WWOX: variants seen among roughly 807,000 people sequenced by gnomAD.
The protein encoded by WWOX is WW domain-containing oxidoreductase.
Under a neutral mutation model 46.2 loss-of-function variants are expected in WWOX, and 69 were observed. The ratio of observed to expected loss-of-function variants is 1.49; its 90% confidence interval spans 1.23 to 1.82. The LOEUF (loss-of-function observed/expected upper bound fraction) is 1.82, where lower values mean the gene tolerates loss of function less well. WWOX is among the 40% of genes most tolerant of loss of function. WWOX has a pLI of 0.00. For missense variants in WWOX, 919 were observed against 542.6 expected, an observed-to-expected ratio of 1.69 and a Z score of -6.89; for synonymous variants, 359 against 202.6, an observed-to-expected ratio of 1.77 and a Z score of -6.56.
At chr16:79,019,407 G>A (rs975922641) in intron 8 of WWOX, among the ~76,000 whole-genome samples, 24 of 151,990 alleles carry the variant, frequency 1.6e-4, no homozygotes, top group Non-Finnish European at 8.8e-5. Context: ...ATTGGGCTGC[G>A]TACTGTAGGC....
chr16:78,381,504 C>A (rs990018589), intron 5 of WWOX, among the ~76,000 whole-genome samples: 1 of 152,138 alleles, frequency 6.6e-6, no homozygotes. Context: ...ATAGAAGTTG[C>A]CTGATGCTTC....
At chr16:78,554,497 A>G (rs1169635706) in intron 8 of WWOX, among the ~76,000 whole-genome samples, 3 of 152,208 alleles carry the variant, frequency 2.0e-5, no homozygotes, top group African/African-American at 7.2e-5. Context: ...ATATAGATAC[A>G]TACATACACA....
At chr16:79,185,227 A>G (rs1244517600) in intron 8 of WWOX, among the ~76,000 whole-genome samples, 1 of 152,108 alleles carries the variant, frequency 6.6e-6, no homozygotes, top group Non-Finnish European at 1.5e-5. Flanking sequence ...CCCAAATAGC[A>G]TCATTTCCTG....
rs181049527 is a variant in WWOX at position 78,948,307 on chromosome 16, C to T, written c.1057-263301C>T. Among the ~76,000 whole-genome samples the T allele has an allele frequency of 2.0e-5, 3 of 152,286 alleles. 1 individual carries two copies. Among genetic ancestry groups the T allele is most frequent in the African/African-American group, 7.2e-5 (3 of 41,566 alleles). On this transcript the variant is annotated intron_variant, in intron 8 of 8. Transcript: ENST00000566780. ...GTTTGGGACCCCTGTTGCTGTCTCA[C>T]CAAAGAACTTCTTGTCTCCCTTTTA...
At chr16:78,665,078 G>T (rs1459485454) in intron 8 of WWOX, among the ~76,000 whole-genome samples, 1 of 152,188 alleles carries the variant, frequency 6.6e-6, no homozygotes, top group Non-Finnish European at 1.5e-5. Context: ...GGAATTGGTA[G>T]GATCATCTAT....
chr16:78,305,144 C>T (rs928024726), intron 5 of WWOX, among the ~76,000 whole-genome samples: 9 of 152,164 alleles, frequency 5.9e-5, no homozygotes, highest in African/African-American at 2.2e-4. Flanking sequence ...CAAAGCTTCT[C>T]CTGCCACACT....
At chr16:79,105,664 T>C (rs953032971) in intron 8 of WWOX, among the ~76,000 whole-genome samples, 1 of 151,824 alleles carries the variant, frequency 6.6e-6, no homozygotes, top group Non-Finnish European at 1.5e-5. Flanking sequence ...CTTTTTGTTT[T>C]TTTTTTTTTT....
intron 5 of WWOX, among the ~76,000 whole-genome samples, chr16:78,298,148 C>T (rs1162041232): frequency 2.0e-5 from 3 of 152,142 alleles, no homozygotes; most frequent in African/African-American, 7.2e-5. Flanking sequence ...GCCTCTGCAG[C>T]CCTGTAGAAC....
intron 8 of WWOX, among the ~76,000 whole-genome samples, chr16:79,146,696 A>G (rs927158567): frequency 1.3e-5 from 2 of 152,126 alleles, no homozygotes; most frequent in Non-Finnish European, 2.9e-5. Flanking sequence ...CATCTGGTTT[A>G]TATTATGGGA....
At chr16:79,109,351 A>G (rs12597650) in intron 8 of WWOX, among the ~76,000 whole-genome samples, 6 of 151,946 alleles carry the variant, frequency 3.9e-5, no homozygotes, top group South Asian at 2.1e-4. Context: ...AACAAAGACT[A>G]CCTCCACTAG....
chr16:78,352,551 T>A (rs563512688), intron 5 of WWOX, among the ~76,000 whole-genome samples: 2 of 152,338 alleles, frequency 1.3e-5, no homozygotes, highest in African/African-American at 4.8e-5. Flanking sequence ...TGGTTCTCTC[T>A]CTTCTGCTTC....
chr16:78,115,683 A>G (rs570740978), intron 4 of WWOX, among the ~76,000 whole-genome samples: 5 of 152,332 alleles, frequency 3.3e-5, no homozygotes, highest in African/African-American at 1.2e-4. Flanking sequence ...CACAGGGACT[A>G]TCATGGGTAG....
intron 8 of WWOX, among the ~76,000 whole-genome samples, chr16:78,706,688 T>C (rs996139437): frequency 3.9e-5 from 6 of 152,202 alleles, no homozygotes; most frequent in Non-Finnish European, 7.3e-5. Flanking sequence ...AGCTGCTCTT[T>C]CTCGATCCTT....
In WWOX at chr16:78,580,367, C is replaced by T. The variant is rs148257217; in HGVS notation, c.1056+147615C>T. ...GGAATATCCGGTGTGAGCCACTGCACCTGGCCTCCAACAGAGGATTTCAGT... is the reference window on the plus strand; with the variant it reads ...GGAATATCCGGTGTGAGCCACTGCATCTGGCCTCCAACAGAGGATTTCAGT... On this transcript the variant is annotated intron_variant, in intron 8 of 8. Transcript: ENST00000566780. Among the ~76,000 whole-genome samples, 453 of 152,314 alleles carry T rather than the reference C, an allele frequency of 3.0e-3. 2 individuals carry two copies. The highest frequency in any genetic ancestry group is 0.011 in the African/African-American group (438 of 41,568).
At chr16:78,444,600 G>A (rs1252872822) in intron 8 of WWOX, among the ~76,000 whole-genome samples, 2 of 151,228 alleles carry the variant, frequency 1.3e-5, no homozygotes, top group Non-Finnish European at 2.9e-5. Context: ...GGCGATCTCG[G>A]CTCACTGCAA....
At position 78,634,380 on chromosome 16, in the gene WWOX, CT is replaced by C. The variant is rs1186616070; in HGVS notation, c.1056+201629del. 3.3e-5 allele frequency among the ~76,000 whole-genome samples: 5 copies of C among 152,220 alleles called. No homozygotes were observed. The South Asian group carries it at 1.0e-3, about 32-fold the overall frequency. Reference sequence around the variant, plus strand: ...TTCCCTCATTCAGGCACCAAAAATGCTGTTTGACTGGGAGAGCAAGTGGAGC... The same window carrying C: ...TTCCCTCATTCAGGCACCAAAAATGCGTTTGACTGGGAGAGCAAGTGGAGC... On this transcript the variant is annotated intron_variant, in intron 8 of 8. Transcript: ENST00000566780.
chr16:78,771,507 C>A (rs375150085), intron 8 of WWOX, among the ~76,000 whole-genome samples: 1 of 152,176 alleles, frequency 6.6e-6, no homozygotes, highest in Non-Finnish European at 1.5e-5. Flanking sequence ...TGCGGTGGCT[C>A]ACGCCTGTAA....
At chr16:78,817,169 A>ATTTTTTTTTTTTTTTTTT (rs1460643310) in intron 8 of WWOX, among the ~76,000 whole-genome samples, 1 of 26,586 alleles carries the variant, frequency 3.8e-5, no homozygotes, top group East Asian at 8.0e-4. Flanking sequence ...CATTAGTGCT[A>ATTTTTTTTTTTTTTTTTT]TTCTTTTTTT....
At chr16:79,072,049 G>C (rs2048561452) in intron 8 of WWOX, among the ~76,000 whole-genome samples, 2 of 152,216 alleles carry the variant, frequency 1.3e-5, no homozygotes, top group African/African-American at 4.8e-5. Context: ...TTGGAAGGCA[G>C]AGGCGGGAGG....
Sources: allele counts gnomAD v4.1 joint callset (sites outside exome capture counted in the v4.1 genomes callset), GRCh38; gene constraint gnomAD v4.1.1; transcripts MANE v1.5; gene names NCBI Gene and HGNC (gene_info 2026-07-23, HGNC 2026-07-21).